Variants in STK24 observed in about 807,000 individuals in gnomAD.
The protein encoded by STK24 is serine/threonine kinase 24.
Under a neutral mutation model 55.6 loss-of-function variants are expected in STK24, and 21 were observed. The observed-to-expected ratio is 0.38, with a 90% confidence interval of 0.27 to 0.54. STK24 has a LOEUF of 0.54. Ranked by LOEUF, STK24 falls within the 20% of genes least tolerant of loss-of-function variation. STK24 has a pLI of 0.79. For synonymous variants in STK24, 200 were observed against 215.2 expected (o/e 0.93, Z 0.62); for missense variants, 383 against 538.4 (o/e 0.71, Z 2.86).
At position 98,448,794 on chromosome 13, in the gene STK24, T is replaced by A. The variant is rs1157702394; in HGVS notation, c.*4379A>T. ...GCAGCCTTAAGCAAATGAGATCATTTTCAGATTTCATTTTTTTTTTCAGTC... is the reference window on the plus strand; with the variant it reads ...GCAGCCTTAAGCAAATGAGATCATTATCAGATTTCATTTTTTTTTTCAGTC... On this transcript the variant is annotated 3_prime_UTR_variant, in exon 11 of 11. Transcript: ENST00000539966. 1 of 139,974 alleles carries A rather than the reference T, an allele frequency of 7.1e-6. No homozygotes were observed. The highest frequency in any genetic ancestry group is 1.6e-5 in the Non-Finnish European group (1 of 61,738). The allele number at this position is 139,974 out of a possible 1,614,324, so 8.7% of individuals were successfully genotyped here.
At chr13:98,512,579 T>C (rs1349698482) in intron 2 of STK24, among the ~76,000 whole-genome samples, 2,769 of 152,100 alleles carry the variant, frequency 0.018, 109 homozygotes, top group African/African-American at 0.063. Context: ...AAGTTTTTTT[T>C]TTTTTTTTTT....
At chr13:98,570,426 T>C (rs1213226542) in intron 1 of STK24, among the ~76,000 whole-genome samples, 1 of 152,208 alleles carries the variant, frequency 6.6e-6, no homozygotes, top group East Asian at 1.9e-4. Context: ...CGGCCTAAAA[T>C]TCTCTTAAAA....
chr13:98,483,357 G>A (rs2139306148), intron 2 of STK24, among the ~76,000 whole-genome samples: 1 of 152,244 alleles, frequency 6.6e-6, no homozygotes, highest in Middle Eastern at 3.4e-3. Flanking sequence ...CTGCTCCGCT[G>A]CTGACTCAGG....
chr13:98,566,349 G>T (rs562033927), intron 1 of STK24, among the ~76,000 whole-genome samples: 3 of 152,248 alleles, frequency 2.0e-5, no homozygotes, highest in South Asian at 4.1e-4. Flanking sequence ...CAGGAGGGCA[G>T]AGCTGTGTTG....
chr13:98,490,169 T>G (rs1225558359), intron 2 of STK24, among the ~76,000 whole-genome samples: 1 of 152,172 alleles, frequency 6.6e-6, no homozygotes, highest in Non-Finnish European at 1.5e-5. Flanking sequence ...GAGGAAACAC[T>G]CTGGTGGGAT....
intron 1 of STK24, among the ~76,000 whole-genome samples, chr13:98,565,580 C>T (rs1397669673): frequency 1.5e-4 from 22 of 147,894 alleles, no homozygotes; most frequent in African/African-American, 1.0e-4. Context: ...TGCAGTGAGC[C>T]GAGATCGTGC....
chr13:98,501,342 C>A (rs1223499273), intron 2 of STK24, among the ~76,000 whole-genome samples: 9 of 152,216 alleles, frequency 5.9e-5, no homozygotes, highest in Non-Finnish European at 2.9e-5. Flanking sequence ...GCCCAATCCT[C>A]CTCTTCCTCG....
intron 3 of STK24, among the ~76,000 whole-genome samples, chr13:98,478,471 T>C (rs1176843368): frequency 1.3e-5 from 2 of 152,130 alleles, no homozygotes. Context: ...GCACTGGCAG[T>C]GGGAGAGGAC....
At chr13:98,491,691 C>CAA (rs11285292) in intron 2 of STK24, among the ~76,000 whole-genome samples, 4,674 of 132,676 alleles carry the variant, frequency 0.035, 109 homozygotes, top group South Asian at 0.13. Flanking sequence ...ATTACTAAGC[C>CAA]AAAAAAAAAA....
At chr13:98,466,671 G>C in intron 5 of STK24, 110 bp from the exon 6 acceptor site, 2 of 1,239,104 alleles carry the variant, frequency 1.6e-6, no homozygotes, top group South Asian at 3.3e-5. Context: ...TTTTGAAAAA[G>C]GTATTTTTAA....
chr13:98,564,266 G>C (rs1163610614), intron 1 of STK24, among the ~76,000 whole-genome samples: 1 of 152,226 alleles, frequency 6.6e-6, no homozygotes, highest in Non-Finnish European at 1.5e-5. Context: ...CATTTCATCA[G>C]TGGGAAAAAC....
Position 98,448,224 on chromosome 13 carries a change from C to T in STK24, c.*4949G>A, listed in dbSNP as rs747238070. The T allele has an allele frequency of 6.2e-7, 1 of 1,611,558 alleles. No homozygotes were observed. Among genetic ancestry groups the T allele is most frequent in the Non-Finnish European group, 8.5e-7 (1 of 1,177,878 alleles). ...AACAAAAGGTTGACTAACTGGCGTT[C>T]CCGTGTTGCAGGTGGATGGAAGTGA... On this transcript the variant is annotated 3_prime_UTR_variant, in exon 11 of 11. Transcript: ENST00000539966.
chr13:98,576,721 G>C (rs1188864489), intron 1 of STK24, 24 bp downstream of exon 1: 10 of 1,457,950 alleles, frequency 6.9e-6, no homozygotes, highest in Non-Finnish European at 9.0e-6. Context: ...GCGCATCCCG[G>C]CCCCGCGGCC....
chr13:98,524,588 C>T (rs1405568844), intron 1 of STK24, among the ~76,000 whole-genome samples: 2 of 152,218 alleles, frequency 1.3e-5, no homozygotes, highest in Non-Finnish European at 2.9e-5. Context: ...GGAAAAACCA[C>T]CCATTCACCC....
Position 98,573,627 on chromosome 13 carries a change from G to C in STK24, c.42+3118C>G, listed in dbSNP as rs1296812343. Among the ~76,000 whole-genome samples, 5 of 152,206 alleles carry C rather than the reference G, an allele frequency of 3.3e-5. No homozygotes were observed. In the East Asian group the frequency reaches 9.6e-4, roughly 29 times the overall value. ...ACCTGGCACATGAAAGTTCAATAAGGGTTGCTGATTGAATAAATTAAAAAA... is the reference window on the plus strand; with the variant it reads ...ACCTGGCACATGAAAGTTCAATAAGCGTTGCTGATTGAATAAATTAAAAAA... On this transcript the variant is annotated intron_variant, in intron 1 of 10. Transcript: ENST00000539966.
At chr13:98,545,748 G>A (rs1046514112) in intron 1 of STK24, among the ~76,000 whole-genome samples, 2 of 151,866 alleles carry the variant, frequency 1.3e-5, no homozygotes, top group East Asian at 1.9e-4. Context: ...AAATCAATAT[G>A]GATAATAATA....
intron 1 of STK24, among the ~76,000 whole-genome samples, chr13:98,546,782 T>C (rs1897037769): frequency 6.6e-6 from 1 of 152,156 alleles, no homozygotes; most frequent in African/African-American, 2.4e-5. Flanking sequence ...CTTTCTCAAC[T>C]AAAAAAAGGC....
At chr13:98,506,410 G>T (rs534127744) in intron 2 of STK24, among the ~76,000 whole-genome samples, 1 of 152,318 alleles carries the variant, frequency 6.6e-6, no homozygotes, top group African/African-American at 2.4e-5. Flanking sequence ...AGGCAACCGT[G>T]AACATCCACA....
rs539699022 is a variant in STK24 at position 98,460,430 on chromosome 13, A to G, written c.1064T>C (p.Ile355Thr). 6.2e-6 allele frequency: 10 copies of G among 1,613,086 alleles called. No individual in the cohort carries two copies. Among genetic ancestry groups the G allele is most frequent in the Non-Finnish European group, 8.5e-6 (10 of 1,179,342 alleles). Reference sequence around the variant, plus strand: ...ACACTGAGAGAAAGGCCTCTTCGGGATGTCTTTCATCTTGGGGGAGAGGGA... The same window carrying G: ...ACACTGAGAGAAAGGCCTCTTCGGGGTGTCTTTCATCTTGGGGGAGAGGGA... Reference protein sequence around the residue: ...SDLDRNKMKDIPKRPFSQCLS... With the variant: ...SDLDRNKMKDTPKRPFSQCLS... The change falls in exon 9 of 11, where the codon ATC (isoleucine) becomes ACC (threonine). Residue 355 changes from isoleucine (I) to threonine (T), a missense_variant. Transcript: ENST00000539966.
Sources: gnomAD v4.1 joint callset for allele counts (sites outside exome capture counted in the v4.1 genomes callset) on GRCh38, gnomAD v4.1.1 for gene constraint, MANE v1.5 for transcripts, NCBI Gene and HGNC (gene_info 2026-07-23, HGNC 2026-07-21) for gene names.